The following GNG7 variants were observed in gnomAD, a reference collection of about 807,000 sequenced individuals.
GNG7 encodes the protein G protein subunit gamma 7, also known as guanine nucleotide-binding protein G(I)/G(S)/G(O) subunit gamma-7.
Under a neutral mutation model 4.0 loss-of-function variants are expected in GNG7, and 1 was observed. That is an observed-to-expected ratio of 0.25 (90% confidence interval 0.09 to 1.18). The LOEUF (loss-of-function observed/expected upper bound fraction) is 1.18. Among genes scored for constraint, GNG7 ranks in the 50% most tolerant of loss-of-function variants. The probability of loss-of-function intolerance (pLI) is 0.50; values close to 1 mark genes in which losing one functional copy is unlikely to be tolerated. For missense variants in GNG7, 86 were observed against 91.9 expected (o/e 0.94, Z 0.26); for synonymous variants, 34 against 36.9 (o/e 0.92, Z 0.29).
chr19:2,569,400 C>T (rs1185055567), intron 2 of GNG7, among the ~76,000 whole-genome samples: 3 of 151,992 alleles, frequency 2.0e-5, no homozygotes, highest in Non-Finnish European at 4.4e-5. Flanking sequence ...CTCAGCCTCC[C>T]GAGTAGCTGG....
intron 2 of GNG7, among the ~76,000 whole-genome samples, chr19:2,594,291 T>C (rs1029566024): frequency 1.3e-5 from 2 of 151,932 alleles, no homozygotes; most frequent in African/African-American, 4.8e-5. Flanking sequence ...GAGAATCGCT[T>C]GAACCTGGGA....
chr19:2,682,272 C>A (rs564060789), intron 1 of GNG7, among the ~76,000 whole-genome samples: 1 of 152,084 alleles, frequency 6.6e-6, no homozygotes, highest in Non-Finnish European at 1.5e-5. Flanking sequence ...AGAAGGAAGC[C>A]GGAGTTTTAC....
chr19:2,523,853 C>T (rs1022873320), intron 3 of GNG7, among the ~76,000 whole-genome samples: 2 of 152,060 alleles, frequency 1.3e-5, no homozygotes, highest in East Asian at 1.9e-4. Context: ...CCTTTGACAC[C>T]GCCCAGCCTC....
chr19:2,568,662 CATACACATACACATAT>C lies in GNG7; in HGVS notation c.-77-13490_-77-13475del, dbSNP rs746162863. Among the ~76,000 whole-genome samples, 26 of 150,760 alleles carry C rather than the reference CATACACATACACATAT, an allele frequency of 1.7e-4. 1 individual carries two copies. The highest frequency in any genetic ancestry group is 3.1e-4 in the Non-Finnish European group (21 of 67,750). Reference sequence around the variant, plus strand: ...ACATATACACAAATACACATATACACATACACATACACATATATACACATACACACATACATAAAAT... The same window carrying C: ...ACATATACACAAATACACATATACACATACACATACACACATACATAAAAT... On this transcript the variant is annotated intron_variant, in intron 2 of 4. Coordinates refer to ENST00000382159, the MANE Select transcript of GNG7 (RefSeq NM_052847.3).
chr19:2,602,923 T>TTC (rs751783957), intron 2 of GNG7, among the ~76,000 whole-genome samples: 33 of 149,468 alleles, frequency 2.2e-4, no homozygotes, highest in Non-Finnish European at 3.4e-4. Context: ...CTTTCTTTCT[T>TTC]TTTGTTTCTT....
chr19:2,624,231 T>TA (rs950004600), intron 2 of GNG7, among the ~76,000 whole-genome samples: 2 of 151,230 alleles, frequency 1.3e-5, no homozygotes, highest in African/African-American at 4.9e-5. Flanking sequence ...TTACCACAAT[T>TA]AAAAAAAGAA....
intron 2 of GNG7, chr19:2,632,471 A>AACTCACAC (rs1568268356): frequency 8.2e-6 from 1 of 121,802 alleles, no homozygotes; most frequent in Non-Finnish European, 1.6e-5. Flanking sequence ...CTATAAACAA[A>AACTCACAC]ACTCACACAC....
intron 1 of GNG7, among the ~76,000 whole-genome samples, chr19:2,660,931 G>T (rs2144878061): frequency 6.6e-6 from 1 of 152,318 alleles, no homozygotes; most frequent in East Asian, 1.9e-4. Flanking sequence ...GGCCCTCCAG[G>T]CCGGGCACGT....
At chr19:2,619,850 T>C (rs772335482) in intron 2 of GNG7, among the ~76,000 whole-genome samples, 6 of 151,938 alleles carry the variant, frequency 3.9e-5, no homozygotes, top group Admixed American at 6.6e-5. Context: ...AGGAGATGGT[T>C]GCACAACTCT....
In GNG7 at chr19:2,618,941, G is replaced by A. The variant is rs1327658222; in HGVS notation, c.-78+27283C>T. ...GTCCCATCTCCGTGGGTTCCTCTGG[G>A]CTCTCAGTTTCTTGGTCTTTCTTTG... On this transcript the variant is annotated intron_variant, in intron 2 of 4. Transcript: ENST00000382159. This position sits in a 1 kb window ranked among gnomAD's most constrained non-coding sequence, Gnocchi z 5.1. Among the ~76,000 whole-genome samples the A allele has an allele frequency of 6.6e-6, 1 of 152,034 alleles. No individual in the cohort carries two copies. Among genetic ancestry groups the A allele is most frequent in the Non-Finnish European group, 1.5e-5 (1 of 68,018 alleles).
chr19:2,670,756 G>A (rs905021273), intron 1 of GNG7, among the ~76,000 whole-genome samples: 3 of 148,580 alleles, frequency 2.0e-5, no homozygotes, highest in Non-Finnish European at 3.0e-5. Flanking sequence ...CCCTCGCCCC[G>A]CCCCCCACAA....
At chr19:2,576,524 CTTTT>C (rs1271902326) in intron 2 of GNG7, among the ~76,000 whole-genome samples, 1 of 151,990 alleles carries the variant, frequency 6.6e-6, no homozygotes, top group Non-Finnish European at 1.5e-5. Context: ...TAAACTTGGT[CTTTT>C]TTATTTTATT....
Position 2,599,799 on chromosome 19 carries a change from T to C in GNG7, c.-77-44611A>G, listed in dbSNP as rs539958829. Among the ~76,000 whole-genome samples, 464 of 151,200 alleles carry C rather than the reference T, an allele frequency of 3.1e-3. 2 individuals are homozygous for C. The highest frequency in any genetic ancestry group is 0.011 in the African/African-American group (442 of 41,118). ...TAAAAATACAAAAATTAGCCGGGGG[T>C]GGTGGTGCTGGCCTGTGATCCCAGC... On this transcript the variant is annotated intron_variant, in intron 2 of 4. Coordinates refer to ENST00000382159, the MANE Select transcript of GNG7 (RefSeq NM_052847.3).
chr19:2,553,664 CGTT>C (rs1979428401), intron 3 of GNG7, among the ~76,000 whole-genome samples: 1 of 135,278 alleles, frequency 7.4e-6, no homozygotes. Flanking sequence ...TACATGCACA[CGTT>C]ACATGTAATA....
intron 2 of GNG7, among the ~76,000 whole-genome samples, chr19:2,564,956 T>C (rs188360425): frequency 1.6e-4 from 24 of 148,678 alleles, no homozygotes; most frequent in Admixed American, 1.6e-3. Flanking sequence ...TCTGGGAGGC[T>C]GAGGCAGGAG....
intron 3 of GNG7, among the ~76,000 whole-genome samples, chr19:2,531,880 G>T (rs139123124): frequency 3.3e-5 from 5 of 151,832 alleles, no homozygotes; most frequent in African/African-American, 1.2e-4. Flanking sequence ...TGCCAGGTGC[G>T]GTGGCTCACG....
intron 2 of GNG7, among the ~76,000 whole-genome samples, chr19:2,629,983 A>G (rs564596799): frequency 6.6e-6 from 1 of 151,670 alleles, no homozygotes; most frequent in East Asian, 1.9e-4. Context: ...GATTTTTGCA[A>G]CTTCCTCTGA....
chr19:2,540,514 G>C (rs1303101218), intron 3 of GNG7, among the ~76,000 whole-genome samples: 1 of 152,222 alleles, frequency 6.6e-6, no homozygotes, highest in Non-Finnish European at 1.5e-5. Context: ...CTGTGCAGAG[G>C]GTGGGTGCGT....
chr19:2,682,480 T>C (rs1599460106), intron 1 of GNG7, among the ~76,000 whole-genome samples: 1 of 150,508 alleles, frequency 6.6e-6, no homozygotes, highest in Non-Finnish European at 1.5e-5. Flanking sequence ...CTGGCCAACA[T>C]AGCGAAACCC....
Sources: allele counts gnomAD v4.1 joint callset (sites outside exome capture counted in the v4.1 genomes callset), GRCh38; gene constraint gnomAD v4.1.1; non-coding constraint Gnocchi (gnomAD v3.1); transcripts MANE v1.5; gene names NCBI Gene and HGNC (gene_info 2026-07-23, HGNC 2026-07-21).